The following DOCK3 variants were observed in gnomAD, a reference collection of about 807,000 sequenced individuals.
DOCK3 encodes the protein dedicator of cytokinesis protein 3.
Under a neutral mutation model 265.6 loss-of-function variants are expected in DOCK3, and 60 were observed. The observed-to-expected ratio is 0.23, with a 90% CI of 0.18 to 0.28. The LOEUF (loss-of-function observed/expected upper bound fraction) is 0.28, where lower values mean the gene tolerates loss of function less well. Among genes scored for constraint, DOCK3 ranks in the 10% least tolerant of loss-of-function variants. The pLI, the probability that DOCK3 is intolerant of heterozygous loss-of-function variation, is 1.00. For synonymous variants in DOCK3, 881 were observed against 938.0 expected, an observed-to-expected ratio of 0.94 and a Z score of 1.11; for missense variants, 1,981 against 2,594.3, an observed-to-expected ratio of 0.76 and a Z score of 5.14.
chr3:50,801,382 G>A (rs1209982349), intron 2 of DOCK3, among the ~76,000 whole-genome samples: 1 of 152,158 alleles, frequency 6.6e-6, no homozygotes, highest in African/African-American at 2.4e-5. Flanking sequence ...GGTGCAGCAG[G>A]TAATTGGAAT....
rs566868304 is a variant in DOCK3 at position 51,227,213 on chromosome 3, G to T, written c.1378-70G>T. On this transcript the variant is annotated intron_variant, in intron 15 of 52. Transcript: ENST00000266037. ...ACCTTTAGACAAGAGAAAGAAAAGT[G>T]TCCTAGTGACACAGAAATCCAGACA... 13 of 1,563,218 alleles carry T rather than the reference G, an allele frequency of 8.3e-6. No homozygotes were observed. In the African/African-American group the frequency reaches 1.5e-4, roughly 18 times the overall value.
intron 5 of DOCK3, among the ~76,000 whole-genome samples, chr3:51,009,113 G>C (rs147735228): frequency 3.3e-5 from 5 of 151,904 alleles, no homozygotes; most frequent in African/African-American, 9.7e-5. Flanking sequence ...CTTTGGTATC[G>C]GGATGATGCT....
chr3:51,123,126 G>A (rs1310422366), intron 9 of DOCK3, among the ~76,000 whole-genome samples: 1 of 152,090 alleles, frequency 6.6e-6, no homozygotes, highest in Non-Finnish European at 1.5e-5. Context: ...GCCATAACCA[G>A]TCCGTAGCTT....
chr3:51,233,620 C>T (rs1225299075), intron 19 of DOCK3, among the ~76,000 whole-genome samples: 2 of 152,144 alleles, frequency 1.3e-5, no homozygotes, highest in African/African-American at 2.4e-5. Flanking sequence ...CCTCCCATCT[C>T]GGCCTCCCAA....
intron 27 of DOCK3, among the ~76,000 whole-genome samples, chr3:51,291,741 C>T (rs1417391003): frequency 3.9e-5 from 6 of 152,122 alleles, no homozygotes; most frequent in African/African-American, 1.2e-4. Context: ...TTTCCAAACT[C>T]ATTTCATGGG....
Position 51,276,775 on chromosome 3 carries a change from G to A in DOCK3, c.2677-833G>A, listed in dbSNP as rs2080842345. On this transcript the variant is annotated intron_variant, in intron 25 of 52. Transcript: ENST00000266037. ...GTGAATGATAAATCGATGGATGGGT[G>A]AAAGATAGACACCAGGACCAGTAGT... Among the ~76,000 whole-genome samples the A allele has an allele frequency of 2.0e-5, 3 of 152,134 alleles. No homozygotes were observed. The South Asian group carries it at 6.2e-4, about 32-fold the overall frequency.
chr3:51,268,628 C>T (rs1308096920), intron 23 of DOCK3, among the ~76,000 whole-genome samples: 3 of 152,132 alleles, frequency 2.0e-5, no homozygotes, highest in Non-Finnish European at 1.5e-5. Flanking sequence ...AAATAGTCTA[C>T]TTTTTTGTTT....
At chr3:50,863,976 A>G (rs954797349) in intron 3 of DOCK3, among the ~76,000 whole-genome samples, 2 of 152,168 alleles carry the variant, frequency 1.3e-5, no homozygotes, top group African/African-American at 4.8e-5. Context: ...GATATGTACC[A>G]AGCAGGGGAT....
intron 4 of DOCK3, among the ~76,000 whole-genome samples, chr3:50,899,879 G>A (rs574004039): frequency 2.0e-5 from 3 of 152,240 alleles, no homozygotes; most frequent in East Asian, 1.9e-4. Context: ...TGGGTAACCC[G>A]ACCTTTCTCT....
chr3:51,144,078 T>C (rs1328596371), intron 9 of DOCK3, among the ~76,000 whole-genome samples: 1 of 152,232 alleles, frequency 6.6e-6, no homozygotes, highest in Non-Finnish European at 1.5e-5. Context: ...ATATGGATTG[T>C]TCAGCACCAT....
chr3:50,770,303 A>G (rs1274317529), intron 1 of DOCK3, among the ~76,000 whole-genome samples: 1 of 152,224 alleles, frequency 6.6e-6, no homozygotes, highest in Non-Finnish European at 1.5e-5. Context: ...TCTATATGCC[A>G]AGATTGAACA....
chr3:51,000,849 C>T (rs748860426), intron 5 of DOCK3, among the ~76,000 whole-genome samples: 11 of 152,132 alleles, frequency 7.2e-5, no homozygotes, highest in East Asian at 1.9e-4. Context: ...GACAGGGTTT[C>T]GCCATGTTCG....
chr3:51,352,952 T>C lies in DOCK3; in HGVS notation c.4108-1930T>C, dbSNP rs550594379. On this transcript the variant is annotated intron_variant, in intron 40 of 52. Coordinates refer to ENST00000266037, the MANE Select transcript of DOCK3 (RefSeq NM_004947.5). ...CATCCCTGAATGCACAGGCCATCTA[T>C]TACTTTAGCTCTATCAGCTTGGTTT... Among the ~76,000 whole-genome samples, 5 of 152,320 alleles carry C rather than the reference T, an allele frequency of 3.3e-5. No homozygotes were observed. The South Asian group carries it at 1.0e-3, about 32-fold the overall frequency.
intron 5 of DOCK3, among the ~76,000 whole-genome samples, chr3:50,976,280 A>G (rs2077448208): frequency 8.5e-6 from 1 of 117,208 alleles, no homozygotes; most frequent in Admixed American, 9.9e-5. Flanking sequence ...GTGGGCATTT[A>G]GTGCTATAAA....
At chr3:50,718,709 C>G (rs967811602) in intron 1 of DOCK3, among the ~76,000 whole-genome samples, 1 of 149,836 alleles carries the variant, frequency 6.7e-6, no homozygotes, top group Admixed American at 6.7e-5. Flanking sequence ...ATATTAGATT[C>G]CTTTTGCCAT....
At chr3:51,181,862 C>T (rs532771321) in intron 12 of DOCK3, among the ~76,000 whole-genome samples, 26 of 152,200 alleles carry the variant, frequency 1.7e-4, no homozygotes, top group African/African-American at 6.3e-4. Flanking sequence ...GATGGCACCC[C>T]GTGGGGTGTC....
At chr3:51,211,778 G>A (rs1560216976) in intron 13 of DOCK3, among the ~76,000 whole-genome samples, 1 of 152,128 alleles carries the variant, frequency 6.6e-6, no homozygotes, top group Non-Finnish European at 1.5e-5. Context: ...CACTTGGGTT[G>A]GTTCCAAGTC....
At chr3:51,245,340 G>T (rs2078782970) in intron 21 of DOCK3, among the ~76,000 whole-genome samples, 1 of 147,954 alleles carries the variant, frequency 6.8e-6, no homozygotes, top group South Asian at 2.1e-4. Flanking sequence ...CTGTCTCAAA[G>T]AAAAAAATAA....
At chr3:51,189,342 AT>A (rs925868606) in intron 12 of DOCK3, among the ~76,000 whole-genome samples, 3 of 151,994 alleles carry the variant, frequency 2.0e-5, no homozygotes, top group Non-Finnish European at 4.4e-5. Context: ...GTGAAGTCAG[AT>A]TTTTGTGCAC....
Sources: gnomAD v4.1 joint callset for allele counts (sites outside exome capture counted in the v4.1 genomes callset) on GRCh38, gnomAD v4.1.1 for gene constraint, MANE v1.5 for transcripts, NCBI Gene and HGNC (gene_info 2026-07-23, HGNC 2026-07-21) for gene names.